Variants in ABLIM1 observed in about 807,000 individuals in gnomAD.
ABLIM1 encodes the protein actin binding LIM protein 1.
In ABLIM1, 40 loss-of-function variants were observed where a neutral mutation model predicts 107.0. That is an observed-to-expected ratio of 0.37 (90% CI 0.29 to 0.49). The LOEUF is 0.49. ABLIM1 is among the 20% of genes least tolerant of loss of function. ABLIM1 has a pLI of 0.97. For synonymous variants in ABLIM1, 357 were observed against 357.3 expected (o/e 1.00, Z 0.01); for missense variants, 857 against 1,008.5 (o/e 0.85, Z 2.04).
chr10:114,645,231 C>T (rs754188982), intron 1 of ABLIM1, among the ~76,000 whole-genome samples: 1 of 152,122 alleles, frequency 6.6e-6, no homozygotes, highest in Non-Finnish European at 1.5e-5. Flanking sequence ...AGCTATCAAA[C>T]AATGGTGATG....
chr10:114,726,436 AG>A (rs2081960961), intron 1 of ABLIM1, among the ~76,000 whole-genome samples: 1 of 152,080 alleles, frequency 6.6e-6, no homozygotes. Context: ...TATAAGGCAA[AG>A]GGGGAAGGAA....
chr10:114,716,410 AACACACACACACAC>A (rs56097544), intron 1 of ABLIM1, among the ~76,000 whole-genome samples: 2 of 143,534 alleles, frequency 1.4e-5, no homozygotes, highest in Non-Finnish European at 3.0e-5. Flanking sequence ...GGTAGAGAGA[AACACACACACACAC>A]ACACACACAC....
intron 4 of ABLIM1, among the ~76,000 whole-genome samples, chr10:114,565,956 C>T (rs894270107): frequency 1.4e-4 from 22 of 151,778 alleles, no homozygotes; most frequent in East Asian, 5.8e-4. Context: ...CACCATGCCT[C>T]GCTAATTTTT....
At chr10:114,697,964 A>G (rs894258541) in intron 1 of ABLIM1, among the ~76,000 whole-genome samples, 1 of 152,146 alleles carries the variant, frequency 6.6e-6, no homozygotes. Flanking sequence ...AACTAATACA[A>G]CTATAGAGGA....
intron 12 of ABLIM1, among the ~76,000 whole-genome samples, chr10:114,454,724 C>A (rs373845096): frequency 8.5e-5 from 13 of 152,094 alleles, no homozygotes; most frequent in African/African-American, 3.1e-4. Context: ...GTCCTCCTAC[C>A]CTATGTCTGG....
At chr10:114,651,626 T>C (rs960247417) in intron 1 of ABLIM1, among the ~76,000 whole-genome samples, 5 of 152,134 alleles carry the variant, frequency 3.3e-5, no homozygotes, top group Non-Finnish European at 5.9e-5. Flanking sequence ...CTGGGAAATA[T>C]GATTAAACTA....
In ABLIM1 at chr10:114,581,318, A is replaced by G. The variant is rs542712736; in HGVS notation, c.380-5719T>C. Among the ~76,000 whole-genome samples the G allele has an allele frequency of 5.3e-5, 8 of 152,340 alleles. No homozygotes were observed. The East Asian group carries it at 1.5e-3, about 29-fold the overall frequency. On this transcript the variant is annotated intron_variant, in intron 2 of 22. Coordinates refer to ENST00000533213, the MANE Select transcript of ABLIM1 (RefSeq NM_002313.7). ...ATTTTAATGGCATGAACAGGGCTGC[A>G]GTAGCAACTATTTCTTCAACCTTCT...
chr10:114,559,428 A>G (rs2069285976), intron 4 of ABLIM1, among the ~76,000 whole-genome samples: 1 of 116,456 alleles, frequency 8.6e-6, no homozygotes, highest in Non-Finnish European at 1.9e-5. Context: ...CATAGCAAAA[A>G]CTCGTCTCTC....
chr10:114,762,982 C>T (rs1023269645), intron 1 of ABLIM1, among the ~76,000 whole-genome samples: 3 of 152,210 alleles, frequency 2.0e-5, no homozygotes, highest in Non-Finnish European at 4.4e-5. Flanking sequence ...CAAAACTGGT[C>T]TAAGATTTCG....
intron 1 of ABLIM1, among the ~76,000 whole-genome samples, chr10:114,682,681 G>A (rs938270267): frequency 9.2e-5 from 14 of 152,120 alleles, no homozygotes; most frequent in Non-Finnish European, 1.5e-5. Context: ...TACGGTTTCT[G>A]TAGATTCCAG....
At chr10:114,535,855 G>A (rs868385937) in intron 6 of ABLIM1, among the ~76,000 whole-genome samples, 9 of 152,002 alleles carry the variant, frequency 5.9e-5, no homozygotes, top group Middle Eastern at 3.2e-3. Context: ...AGCATTCAAG[G>A]GATGCAAAAC....
At position 114,681,610 on chromosome 10, in the gene ABLIM1, T is replaced by C. The variant is rs75724526; in HGVS notation, c.64+2680A>G. 4.8e-3 allele frequency among the ~76,000 whole-genome samples: 731 copies of C among 152,336 alleles called. 6 individuals are homozygous for C. Among genetic ancestry groups the C allele is most frequent in the African/African-American group, 0.017 (708 of 41,576 alleles). On this transcript the variant is annotated intron_variant, in intron 1 of 23. Transcript: ENST00000369256. ...TATACTACATCCCCTTCTAACTCTC[T>C]ACGCCACTTCAATTCACATGACAGC...
chr10:114,792,577 C>A, the ABLIM1 span, among the ~76,000 whole-genome samples: 21 of 152,138 alleles, frequency 1.4e-4, no homozygotes, highest in African/African-American at 4.8e-4. Context: ...TTGTGGTTCC[C>A]CTACCTCCTG....
At chr10:114,534,380 T>TA (rs1455343914) in intron 6 of ABLIM1, among the ~76,000 whole-genome samples, 1 of 151,902 alleles carries the variant, frequency 6.6e-6, no homozygotes, top group Admixed American at 6.6e-5. Flanking sequence ...CACTTGGTGG[T>TA]AACTTGTCTA....
chr10:114,550,414 G>A (rs2067919702), intron 4 of ABLIM1, among the ~76,000 whole-genome samples: 1 of 152,058 alleles, frequency 6.6e-6, no homozygotes, highest in Admixed American at 6.5e-5. Context: ...TAGAGCAGGT[G>A]TAGGTTCACA....
chr10:114,532,719 C>T (rs540895858), intron 6 of ABLIM1, among the ~76,000 whole-genome samples: 1 of 152,296 alleles, frequency 6.6e-6, no homozygotes, highest in South Asian at 2.1e-4. Context: ...AGAGGCCAAG[C>T]GTGTGGAATC....
chr10:114,487,906 G>A lies in ABLIM1; in HGVS notation c.1041+52C>T, dbSNP rs1285017849. On this transcript the variant is annotated intron_variant, in intron 8 of 22. Transcript: ENST00000533213. ...CCTAGCCCCAAGAATTAGTGACCAC[G>A]AGCGTATGGCCTACAAATGCAGCTG... is the stretch of plus-strand genomic sequence containing the variant. 5.6e-6 allele frequency: 9 copies of A among 1,595,286 alleles called. No homozygotes were observed. In the East Asian group the frequency reaches 6.7e-5, roughly 12 times the overall value.
At chr10:114,533,889 G>A (rs1274735289) in intron 6 of ABLIM1, among the ~76,000 whole-genome samples, 1 of 152,154 alleles carries the variant, frequency 6.6e-6, no homozygotes, top group East Asian at 1.9e-4. Flanking sequence ...TGTTGCCTAG[G>A]CTAGTCCTGA....
chr10:114,535,413 C>G (rs374598802), intron 6 of ABLIM1, among the ~76,000 whole-genome samples: 1 of 152,092 alleles, frequency 6.6e-6, no homozygotes. Flanking sequence ...CAGGTTCAAG[C>G]GATCCTCCTG....
Sources: gnomAD v4.1 joint callset for allele counts (sites outside exome capture counted in the v4.1 genomes callset) on GRCh38, gnomAD v4.1.1 for gene constraint, MANE v1.5 for transcripts, NCBI Gene and HGNC (gene_info 2026-07-23, HGNC 2026-07-21) for gene names.